The following KCNH8 variants were observed in gnomAD, a reference collection of about 807,000 sequenced individuals.
KCNH8 encodes the protein voltage-gated delayed rectifier potassium channel KCNH8.
KCNH8 carries 70 observed loss-of-function variants against 103.6 expected under a neutral mutation model. The observed-to-expected ratio is 0.68, with a 90% CI of 0.56 to 0.82. The LOEUF (loss-of-function observed/expected upper bound fraction) is 0.82. Among genes scored for constraint, KCNH8 ranks in the 40% least tolerant of loss-of-function variants. The pLI is 0.00. For missense variants in KCNH8, 1,217 were observed against 1,329.9 expected (o/e 0.92, Z 1.32); for synonymous variants, 498 against 489.4 (o/e 1.02, Z -0.23).
rs2066498994 is a variant in KCNH8, at chr3:19,395,317, G to A, written c.1177+6G>A. The stretch of plus-strand genomic sequence containing the variant: ...CCTTCTGAAGTGGGAAGTTGGTAAG[G>A]GCTTACATTTGTCACATTTTCCATT... On this transcript the variant is annotated splice_donor_region_variant and intron_variant, in intron 7 of 15. Coordinates refer to ENST00000328405, the MANE Select transcript of KCNH8 (RefSeq NM_144633.3). The A allele has an allele frequency of 6.3e-7, 1 of 1,593,502 alleles. No individual in the cohort carries two copies. The highest frequency in any genetic ancestry group is 8.6e-7 in the Non-Finnish European group (1 of 1,167,088).
At position 19,347,924 on chromosome 3, in the gene KCNH8, C is replaced by T. The variant is rs1393670346; in HGVS notation, c.770C>T (p.Thr257Ile). 4.3e-6 allele frequency: 7 copies of T among 1,613,174 alleles called. No individual in the cohort carries two copies. Among genetic ancestry groups the T allele is most frequent in the Non-Finnish European group, 5.9e-6 (7 of 1,179,356 alleles). The change falls in exon 5 of 16, where the codon ACA (threonine) becomes ATA (isoleucine). Residue 257 changes from threonine to isoleucine, a missense_variant. Coordinates refer to ENST00000328405, the MANE Select transcript of KCNH8 (RefSeq NM_144633.3). The stretch of plus-strand genomic sequence containing the variant: ...GACGACCTGTCCACAACTCGGAGCA[C>T]AACCGTCAGTGACATTGCAGTGGAG... ...GNDDLSTTRS[T>I]TVSDIAVEIL...
chr3:19,404,539 A>G (rs994332909), intron 7 of KCNH8, among the ~76,000 whole-genome samples: 7 of 151,894 alleles, frequency 4.6e-5, no homozygotes, highest in Non-Finnish European at 1.0e-4. Flanking sequence ...TGAGTTGTGT[A>G]GTTGTTAAGA....
intron 1 of KCNH8, among the ~76,000 whole-genome samples, chr3:19,149,330 C>T (rs1295711656): frequency 6.6e-6 from 1 of 152,026 alleles, no homozygotes; most frequent in African/African-American, 2.4e-5. Flanking sequence ...AACCTTGATT[C>T]CTGCTTTTGA....
intron 3 of KCNH8, among the ~76,000 whole-genome samples, chr3:19,311,687 A>C (rs969120155): frequency 2.0e-5 from 3 of 151,734 alleles, no homozygotes; most frequent in Non-Finnish European, 2.9e-5. Flanking sequence ...TTTGATACAG[A>C]CCAGGCCAAA....
Position 19,451,262 on chromosome 3 carries a change from G to C in KCNH8, c.1683G>C (p.Arg561Ser). The C allele has an allele frequency of 6.2e-7, 1 of 1,613,924 alleles. No individual in the cohort carries two copies. Among genetic ancestry groups the C allele is most frequent in the Non-Finnish European group, 8.5e-7 (1 of 1,179,906 alleles). Reference protein sequence around the residue: ...LFECASRGCLRSLSLHIKTSF... With the variant: ...LFECASRGCLSSLSLHIKTSF... ...AATGTGCCAGCCGGGGCTGCCTCAGGTCTCTGTCTCTACACATCAAAACCT... is the reference window on the plus strand; with the variant it reads ...AATGTGCCAGCCGGGGCTGCCTCAGCTCTCTGTCTCTACACATCAAAACCT... The change falls in exon 10 of 16, where the codon AGG becomes AGC. Residue 561 changes from arginine to serine, a missense_variant. By Grantham distance (110) the Arg-to-Ser change is moderately radical. Coordinates refer to ENST00000328405, the MANE Select transcript of KCNH8 (RefSeq NM_144633.3).
At chr3:19,451,024 A>T in intron 9 of KCNH8, 131 bp from the exon 10 acceptor site, 1 of 810,402 alleles carries the variant, frequency 1.2e-6, no homozygotes, top group Non-Finnish European at 2.0e-6. Context: ...ACATACTTAG[A>T]TTTCCTCTTC....
At chr3:19,237,143 A>G (rs1165576909) in intron 1 of KCNH8, among the ~76,000 whole-genome samples, 2 of 152,224 alleles carry the variant, frequency 1.3e-5, no homozygotes, top group African/African-American at 2.4e-5. Context: ...TCCCCTAGGA[A>G]GAACCACTTG....
At position 19,284,371 on chromosome 3, in the gene KCNH8, AC is replaced by A. The variant is rs35241666; in HGVS notation, c.442+3044del. 2.6e-3 allele frequency among the ~76,000 whole-genome samples: 402 copies of A among 152,228 alleles called. 3 individuals are homozygous for A. Among genetic ancestry groups the A allele is most frequent in the African/African-American group, 9.0e-3 (372 of 41,548 alleles). On this transcript the variant is annotated intron_variant, in intron 3 of 15. Transcript: ENST00000328405. ...GGGGAGTTTATTTAAATGAGGAAGA[AC>A]CTGTTTTATAGAAGTGGCTAATGAG...
At position 19,513,117 on chromosome 3, in the gene KCNH8, G is replaced by A; in HGVS notation, c.2227G>A (p.Gly743Arg). The A allele has an allele frequency of 6.2e-7, 1 of 1,613,918 alleles. No homozygotes were observed. Among genetic ancestry groups the A allele is most frequent in the Non-Finnish European group, 8.5e-7 (1 of 1,179,948 alleles). The change falls in exon 13 of 16, where the codon GGA becomes AGA. Residue 743 changes from glycine to arginine, a missense_variant. Gly to Arg is a moderately radical substitution (Grantham distance 125). This residue lies in a region of KCNH8 where 558 missense variants were observed against 495.8 expected (regional missense o/e 1.13). Transcript: ENST00000328405. ...RGSSSRNKKV[G>R]SNKAYLGLSL... ...ATCTTCTTCGCGCAACAAGAAGGTT[G>A]GAAGCAATAAAGCCTACCTGGGCTT... is the stretch of plus-strand genomic sequence containing the variant.
intron 7 of KCNH8, among the ~76,000 whole-genome samples, chr3:19,422,573 G>T (rs1360110388): frequency 1.3e-5 from 2 of 152,048 alleles, no homozygotes; most frequent in African/African-American, 4.8e-5. Context: ...AAGTAGTGGT[G>T]GGGGCTGCAG....
chr3:19,469,251 T>C (rs2067805245), intron 11 of KCNH8, among the ~76,000 whole-genome samples: 2 of 152,132 alleles, frequency 1.3e-5, no homozygotes, highest in Non-Finnish European at 2.9e-5. Flanking sequence ...CCAACAAGTG[T>C]TTTGTCAGTT....
intron 2 of KCNH8, among the ~76,000 whole-genome samples, chr3:19,276,248 A>C (rs1404557250): frequency 6.6e-6 from 1 of 151,634 alleles, no homozygotes; most frequent in African/African-American, 2.4e-5. Flanking sequence ...TAATTTCTAA[A>C]AACTGGCAAG....
At chr3:19,329,165 C>T (rs1276827509) in intron 3 of KCNH8, among the ~76,000 whole-genome samples, 1 of 152,172 alleles carries the variant, frequency 6.6e-6, no homozygotes, top group Non-Finnish European at 1.5e-5. Flanking sequence ...CATTCCGAGG[C>T]TTCCCCACAT....
intron 1 of KCNH8, among the ~76,000 whole-genome samples, chr3:19,170,808 A>ATT (rs1331802978): frequency 1.4e-4 from 14 of 100,164 alleles, no homozygotes; most frequent in African/African-American, 4.6e-4. Flanking sequence ...ATATATATAT[A>ATT]TATTTTTTTT....
At chr3:19,462,912 G>GTCAGGTTTGTCAAAGA (rs1225266693) in intron 11 of KCNH8, among the ~76,000 whole-genome samples, 1 of 151,996 alleles carries the variant, frequency 6.6e-6, no homozygotes, top group South Asian at 2.1e-4. Flanking sequence ...ATTTGTTTTT[G>GTCAGGTTTGTCAAAGA]TCAGGTTTGT....
At chr3:19,516,782 CTCTAGCTATA>C (rs1348937482) in intron 14 of KCNH8, among the ~76,000 whole-genome samples, 2 of 151,990 alleles carry the variant, frequency 1.3e-5, no homozygotes, top group Non-Finnish European at 2.9e-5. Flanking sequence ...ACCACTCTTT[CTCTAGCTATA>C]TCTATCTCTT....
intron 11 of KCNH8, among the ~76,000 whole-genome samples, chr3:19,488,399 G>C (rs966635062): frequency 1.3e-5 from 2 of 152,166 alleles, no homozygotes; most frequent in African/African-American, 2.4e-5. Flanking sequence ...CACTTGATTG[G>C]CTATTTCCAG....
chr3:19,306,077 A>G (rs2125293138), intron 3 of KCNH8, among the ~76,000 whole-genome samples: 1 of 152,232 alleles, frequency 6.6e-6, no homozygotes, highest in South Asian at 2.1e-4. Flanking sequence ...GAGGATCTGG[A>G]AACTTCTGGT....
At chr3:19,387,018 T>C (rs1036715942) in intron 5 of KCNH8, among the ~76,000 whole-genome samples, 7 of 152,138 alleles carry the variant, frequency 4.6e-5, no homozygotes, top group African/African-American at 1.7e-4. Flanking sequence ...ACAGTTCTCT[T>C]AAATGGAAGG....
Sources: allele counts gnomAD v4.1 joint callset (sites outside exome capture counted in the v4.1 genomes callset), GRCh38; gene constraint gnomAD v4.1.1; regional missense constraint gnomAD v4.1.1; transcripts MANE v1.5; gene names NCBI Gene and HGNC (gene_info 2026-07-23, HGNC 2026-07-21).